JAZF1: variants seen among roughly 807,000 people sequenced by gnomAD.
JAZF1 encodes JAZF zinc finger 1, also known as juxtaposed with another zinc finger protein 1.
JAZF1 carries 8 observed loss-of-function variants against 26.4 expected under a neutral mutation model. The observed-to-expected ratio is 0.30, with a 90% confidence interval of 0.18 to 0.55. The LOEUF (loss-of-function observed/expected upper bound fraction) is 0.55. Ranked by LOEUF, JAZF1 falls within the 20% of genes least tolerant of loss-of-function variation. The probability of loss-of-function intolerance (pLI) is 0.94; values close to 1 mark genes in which losing one functional copy is unlikely to be tolerated. For synonymous variants in JAZF1, 126 were observed against 122.3 expected (o/e 1.03, Z -0.20); for missense variants, 199 against 322.0 (o/e 0.62, Z 2.92).
chr7:28,126,252 A>G (rs1782691300), intron 1 of JAZF1, among the ~76,000 whole-genome samples: 1 of 152,194 alleles, frequency 6.6e-6, no homozygotes, highest in Admixed American at 6.5e-5. Context: ...CACAGTTACT[A>G]TTTGCCAGGC....
chr7:27,975,130 C>A (rs1244647093), intron 2 of JAZF1, among the ~76,000 whole-genome samples: 1 of 152,066 alleles, frequency 6.6e-6, no homozygotes, highest in African/African-American at 2.4e-5. Flanking sequence ...CATGATTCAC[C>A]TGCCTCGGCC....
intron 1 of JAZF1, among the ~76,000 whole-genome samples, chr7:28,107,794 A>G (rs1214515709): frequency 6.6e-6 from 1 of 152,258 alleles, no homozygotes; most frequent in Admixed American, 6.5e-5. Context: ...GTTTACTGCC[A>G]GAGAATGCAT....
Position 27,862,811 on chromosome 7 carries a change from C to T in JAZF1, c.386-21944G>A, listed in dbSNP as rs142873251. 1.2e-4 allele frequency among the ~76,000 whole-genome samples: 19 copies of T among 152,312 alleles called. 1 individual carries two copies. The highest frequency in any genetic ancestry group is 3.9e-4 in the East Asian group (2 of 5,184). On this transcript the variant is annotated intron_variant, in intron 3 of 4. Coordinates refer to ENST00000283928, the MANE Select transcript of JAZF1 (RefSeq NM_175061.4). ...GCTTTCTGTATTTTGGGTGCATGTG[C>T]GTGTTCACATCACCTTTTTAAACTG...
At chr7:28,102,663 T>C (rs1562587960) in intron 1 of JAZF1, among the ~76,000 whole-genome samples, 1 of 152,210 alleles carries the variant, frequency 6.6e-6, no homozygotes, top group Non-Finnish European at 1.5e-5. Context: ...TTTGTAAACA[T>C]GGTAGGTTCT....
At chr7:27,910,618 C>A (rs978963058) in intron 2 of JAZF1, among the ~76,000 whole-genome samples, 3 of 152,194 alleles carry the variant, frequency 2.0e-5, no homozygotes, top group Non-Finnish European at 4.4e-5. Context: ...GGCCAGCCAA[C>A]CTGATTATCC....
intron 1 of JAZF1, among the ~76,000 whole-genome samples, chr7:28,072,518 C>T (rs1783992906): frequency 6.6e-6 from 1 of 152,188 alleles, no homozygotes; most frequent in Admixed American, 6.5e-5. Context: ...TGTAAATTGG[C>T]ATTGCTTCAC....
rs151107596 is a variant in JAZF1 at position 28,061,251 on chromosome 7, G to C, written c.116-69270C>G. Among the ~76,000 whole-genome samples the C allele has an allele frequency of 3.9e-5, 6 of 152,346 alleles. No homozygotes were observed. The East Asian group carries it at 7.7e-4, about 20-fold the overall frequency. ...TATTACTATTAGATTGTGGTACCAT[G>C]ATGAGACCTTACAATGCAGATGCTG... On this transcript the variant is annotated intron_variant, in intron 1 of 4. Transcript: ENST00000283928.
intron 1 of JAZF1, among the ~76,000 whole-genome samples, chr7:28,087,716 C>A (rs1413831611): frequency 1.3e-5 from 2 of 151,974 alleles, no homozygotes; most frequent in Non-Finnish European, 2.9e-5. Flanking sequence ...TGTCATCAGT[C>A]GACATAAGGT....
At chr7:27,945,396 T>A (rs1784911436) in intron 2 of JAZF1, among the ~76,000 whole-genome samples, 1 of 152,180 alleles carries the variant, frequency 6.6e-6, no homozygotes, top group African/African-American at 2.4e-5. Context: ...ACCTCCCGAT[T>A]CCTGACCTTG....
At chr7:27,850,273 A>C (rs1468246344) in intron 3 of JAZF1, among the ~76,000 whole-genome samples, 1 of 152,204 alleles carries the variant, frequency 6.6e-6, no homozygotes, top group African/African-American at 2.4e-5. Flanking sequence ...ATTGGCAACG[A>C]GTGATTACAA....
intron 1 of JAZF1, among the ~76,000 whole-genome samples, chr7:28,094,680 C>A (rs1784355373): frequency 6.6e-6 from 1 of 152,226 alleles, no homozygotes; most frequent in Admixed American, 6.5e-5. Context: ...GGCAAGCAGA[C>A]CCGAAGCTTC....
At chr7:28,059,435 A>G (rs1295463330) in intron 1 of JAZF1, among the ~76,000 whole-genome samples, 1 of 152,152 alleles carries the variant, frequency 6.6e-6, no homozygotes, top group Non-Finnish European at 1.5e-5. Flanking sequence ...AAACATTACT[A>G]ATTTCTTTAC....
chr7:27,897,887 C>T (rs1220273517), intron 2 of JAZF1, among the ~76,000 whole-genome samples: 3 of 152,184 alleles, frequency 2.0e-5, no homozygotes, highest in Non-Finnish European at 2.9e-5. Context: ...GGCCCACGGT[C>T]ATCTGTGAGT....
intron 1 of JAZF1, among the ~76,000 whole-genome samples, chr7:28,023,906 T>C (rs1783047624): frequency 6.6e-6 from 1 of 152,160 alleles, no homozygotes; most frequent in Admixed American, 6.5e-5. Context: ...TATATTAACC[T>C]ACACTTGGAA....
intron 1 of JAZF1, among the ~76,000 whole-genome samples, chr7:28,053,152 T>G (rs1380682024): frequency 6.6e-6 from 1 of 152,176 alleles, no homozygotes; most frequent in Non-Finnish European, 1.5e-5. Context: ...TGTGATAGGA[T>G]TTCCTTCATT....
chr7:27,863,844 C>T (rs1247510795), intron 3 of JAZF1: 1 of 152,218 alleles, frequency 6.6e-6, no homozygotes, highest in African/African-American at 2.4e-5. Context: ...ACGTCACCTA[C>T]CTGAGATTCA....
intron 1 of JAZF1, among the ~76,000 whole-genome samples, chr7:28,140,032 A>C (rs1782939977): frequency 6.6e-6 from 1 of 152,094 alleles, no homozygotes; most frequent in Non-Finnish European, 1.5e-5. Flanking sequence ...TACTCTGACA[A>C]AGTAAGTTCT....
At chr7:28,129,091 C>T (rs1008967757) in intron 1 of JAZF1, among the ~76,000 whole-genome samples, 3 of 150,180 alleles carry the variant, frequency 2.0e-5, no homozygotes, top group African/African-American at 7.5e-5. Flanking sequence ...GGTCTCCATC[C>T]TAAACAGCAG....
intron 2 of JAZF1, among the ~76,000 whole-genome samples, chr7:27,942,938 C>A (rs552829699): frequency 2.0e-5 from 3 of 152,300 alleles, no homozygotes; most frequent in African/African-American, 7.2e-5. Flanking sequence ...GCTATTTGGT[C>A]ACATGACCTC....
Sources: allele counts gnomAD v4.1 joint callset (sites outside exome capture counted in the v4.1 genomes callset), GRCh38; gene constraint gnomAD v4.1.1; transcripts MANE v1.5; gene names NCBI Gene and HGNC (gene_info 2026-07-23, HGNC 2026-07-21).